Variants in FOXP2 observed in about 807,000 individuals in gnomAD.
FOXP2 encodes the protein forkhead box protein P2.
FOXP2 carries 12 observed loss-of-function variants against 115.8 expected under a neutral mutation model. The observed-to-expected ratio is 0.10, with a 90% confidence interval of 0.07 to 0.17. The LOEUF (loss-of-function observed/expected upper bound fraction) is 0.17. Among genes scored for constraint, FOXP2 ranks in the 10% least tolerant of loss-of-function variants. FOXP2 has a pLI of 1.00. For synonymous variants in FOXP2, 328 were observed against 297.7 expected (o/e 1.10, Z -1.05); for missense variants, 629 against 843.5 (o/e 0.75, Z 3.15).
intron 8 of FOXP2, among the ~76,000 whole-genome samples, chr7:114,646,277 A>C (rs947209041): frequency 6.6e-6 from 1 of 152,046 alleles, no homozygotes; most frequent in Non-Finnish European, 1.5e-5. Context: ...TTATTGCTCC[A>C]AATTGTTCTT....
At chr7:114,307,158 CGTT>C (rs1436536153) in intron 2 of FOXP2, among the ~76,000 whole-genome samples, 1 of 151,992 alleles carries the variant, frequency 6.6e-6, no homozygotes, top group East Asian at 1.9e-4. Flanking sequence ...GAGTTGGTGA[CGTT>C]GTTGGCCACT....
At chr7:114,505,600 GCTGT>G (rs1412187980) in intron 2 of FOXP2, among the ~76,000 whole-genome samples, 4 of 150,814 alleles carry the variant, frequency 2.7e-5, no homozygotes, top group Admixed American at 6.6e-5. Flanking sequence ...AAGTTTTTGT[GCTGT>G]CTAATTGATT....
Position 114,625,430 on chromosome 7 carries a change from C to T in FOXP2, c.259-3110C>T, listed in dbSNP as rs551002408. On this transcript the variant is annotated intron_variant, in intron 3 of 16. Coordinates refer to ENST00000350908, the MANE Select transcript of FOXP2 (RefSeq NM_014491.4). Reference sequence around the variant, plus strand: ...ATAGTTCCGTTAGTCTAACACCGAACTTGCTAAGGTATATGTATTTCAAAA... The same window carrying T: ...ATAGTTCCGTTAGTCTAACACCGAATTTGCTAAGGTATATGTATTTCAAAA... Among the ~76,000 whole-genome samples, 13 of 151,880 alleles carry T rather than the reference C, an allele frequency of 8.6e-5. 1 individual carries two copies. The South Asian group carries it at 2.3e-3, about 27-fold the overall frequency.
chr7:114,113,438 G>A (rs1230439112), intron 1 of FOXP2, among the ~76,000 whole-genome samples: 1 of 152,178 alleles, frequency 6.6e-6, no homozygotes, highest in Non-Finnish European at 1.5e-5. Flanking sequence ...CTGGAGGGCA[G>A]TTGTGCCATT....
intron 3 of FOXP2, among the ~76,000 whole-genome samples, chr7:114,542,107 C>A (rs765464081): frequency 2.6e-5 from 4 of 151,962 alleles, no homozygotes; most frequent in Non-Finnish European, 5.9e-5. Context: ...ACCCACCTTC[C>A]ACATTTCTAT....
intron 8 of FOXP2, among the ~76,000 whole-genome samples, chr7:114,651,810 A>C (rs948062664): frequency 6.6e-6 from 1 of 152,162 alleles, no homozygotes; most frequent in Non-Finnish European, 1.5e-5. Flanking sequence ...TAGAAACAAC[A>C]AACTGTTCTA....
rs35933398 is a variant in FOXP2, at chr7:114,495,483, C to CTTTTTTTTT, written c.169-39112_169-39104dup. ...TTCTTTGTTTTTTCTTTCTCTCTCT[C>CTTTTTTTTT]TTTTTTTTTTTTTTTTTTTTTTTTT... On this transcript the variant is annotated intron_variant, in intron 2 of 16. Transcript: ENST00000350908. Among the ~76,000 whole-genome samples the CTTTTTTTTT allele has an allele frequency of 2.1e-3, 129 of 61,474 alleles. 2 individuals are homozygous for CTTTTTTTTT. Among genetic ancestry groups the CTTTTTTTTT allele is most frequent in the East Asian group, 4.5e-3 (7 of 1,564 alleles). The allele number at this position is 61,474 out of a possible 152,430, so 40.3% of individuals were successfully genotyped here.
In FOXP2 at chr7:114,370,104, A is replaced by G. The variant is rs575740808; in HGVS notation, c.-10-56398A>G. Among the ~76,000 whole-genome samples the G allele has an allele frequency of 1.9e-4, 29 of 152,286 alleles. No homozygotes were observed. The South Asian group carries it at 5.8e-3, about 30-fold the overall frequency. On this transcript the variant is annotated intron_variant, in intron 2 of 17. Coordinates refer to the FOXP2 transcript ENST00000634411. ...GGGAAAAAAATATGTTGCCCTTTGT[A>G]TGGCCCCTGCTTTATGCTTTAGAAA...
chr7:114,691,943 G>GAA lies in FOXP2; in HGVS notation c.*2029_*2030dup, dbSNP rs750710459. The GAA allele has an allele frequency of 1.3e-4, 49 of 363,582 alleles. No homozygotes were observed. The highest frequency in any genetic ancestry group is 9.5e-4 in the Middle Eastern group (1 of 1,048). The allele number at this position is 363,582 out of a possible 1,614,324, so 22.5% of individuals were successfully genotyped here. A position where few individuals can be genotyped will look rare whatever the true frequency, so the allele number is the denominator to read the frequency against. ...TTCTACCTCTGCAAAAAAAAAAAAA[G>GAA]AAAAAAAAAAAAAGAAAAACATTAG... On this transcript the variant is annotated 3_prime_UTR_variant, in exon 17 of 17. Transcript: ENST00000350908.
At chr7:114,531,266 G>A (rs1036839952) in intron 2 of FOXP2, among the ~76,000 whole-genome samples, 1 of 151,732 alleles carries the variant, frequency 6.6e-6, no homozygotes, top group African/African-American at 2.4e-5. Context: ...GAATGGCCCT[G>A]GATTTAATAT....
chr7:114,624,772 T>C (rs1230068950), intron 3 of FOXP2, among the ~76,000 whole-genome samples: 3 of 151,662 alleles, frequency 2.0e-5, no homozygotes, highest in African/African-American at 7.3e-5. Flanking sequence ...ATAATATATA[T>C]GTTTTTATGA....
intron 1 of FOXP2, among the ~76,000 whole-genome samples, chr7:114,268,700 C>CTG (rs61371412): frequency 0.17 from 25,287 of 147,992 alleles, 2,478 homozygotes; most frequent in South Asian, 0.4. Context: ...ATACTCCCCA[C>CTG]TGTGTGTGTG....
intron 1 of FOXP2, among the ~76,000 whole-genome samples, chr7:114,240,973 C>T (rs1217843087): frequency 1.3e-5 from 2 of 151,774 alleles, no homozygotes. Context: ...TTGTATTAAT[C>T]ATATAAAGAT....
intron 3 of FOXP2, among the ~76,000 whole-genome samples, chr7:114,544,811 C>T (rs2129283347): frequency 6.6e-6 from 1 of 152,296 alleles, no homozygotes; most frequent in East Asian, 1.9e-4. Flanking sequence ...TAAACTATGA[C>T]TAAAATTATA....
chr7:114,167,144 C>T (rs1371321737), intron 1 of FOXP2, among the ~76,000 whole-genome samples: 2 of 152,190 alleles, frequency 1.3e-5, no homozygotes, highest in Admixed American at 6.5e-5. Context: ...ACATTTATAA[C>T]AAGCAACTTT....
intron 1 of FOXP2, among the ~76,000 whole-genome samples, chr7:114,286,059 T>C (rs892498691): frequency 3.6e-4 from 54 of 151,928 alleles, no homozygotes; most frequent in African/African-American, 1.3e-3. Context: ...TTCTTTAATC[T>C]CTCAGAAATT....
At chr7:114,175,133 C>T (rs770531256) in intron 1 of FOXP2, among the ~76,000 whole-genome samples, 6 of 151,316 alleles carry the variant, frequency 4.0e-5, no homozygotes, top group African/African-American at 1.2e-4. Flanking sequence ...TTTTTTCAAA[C>T]GCAAACTACT....
intron 2 of FOXP2, among the ~76,000 whole-genome samples, chr7:114,288,360 A>G (rs1375984150): frequency 4.0e-5 from 6 of 151,852 alleles, no homozygotes; most frequent in Non-Finnish European, 7.4e-5. Flanking sequence ...ACCAGTATAC[A>G]CTTATGGGGA....
At chr7:114,558,027 T>G (rs1477264383) in intron 3 of FOXP2, among the ~76,000 whole-genome samples, 2 of 152,230 alleles carry the variant, frequency 1.3e-5, no homozygotes, top group African/African-American at 4.8e-5. Context: ...CAGGCTGGTC[T>G]TGAACTCCTG....
Sources: gnomAD v4.1 joint callset for allele counts (sites outside exome capture counted in the v4.1 genomes callset) on GRCh38, gnomAD v4.1.1 for gene constraint, MANE v1.5 for transcripts, NCBI Gene and HGNC (gene_info 2026-07-23, HGNC 2026-07-21) for gene names.